MYO7B: variants seen among roughly 807,000 people sequenced by gnomAD.
MYO7B encodes the protein unconventional myosin-VIIb.
MYO7B carries 212 observed loss-of-function variants against 259.7 expected under a neutral mutation model. That is an observed-to-expected ratio of 0.82 (90% confidence interval 0.73 to 0.91). The LOEUF (loss-of-function observed/expected upper bound fraction) is 0.91. Among genes scored for constraint, MYO7B ranks in the 40% least tolerant of loss-of-function variants. The pLI is 0.00. For synonymous variants in MYO7B, 1,197 were observed against 1,166.4 expected, an observed-to-expected ratio of 1.03 and a Z score of -0.54; for missense variants, 2,732 against 2,813.5, an observed-to-expected ratio of 0.97 and a Z score of 0.66.
At chr2:127,556,921 G>A (rs1677852078) in intron 1 of MYO7B, among the ~76,000 whole-genome samples, 1 of 152,102 alleles carries the variant, frequency 6.6e-6, no homozygotes, top group Admixed American at 6.6e-5. Flanking sequence ...GTATTTGGAT[G>A]TCTAGATCTC....
Position 127,623,391 on chromosome 2 carries a change from C to T in MYO7B, c.3819+16C>T. 6.4e-7 allele frequency: 1 copy of T among 1,552,016 alleles called. No homozygotes were observed. The highest frequency in any genetic ancestry group is 8.7e-7 in the Non-Finnish European group (1 of 1,150,554). On this transcript the variant is annotated intron_variant, in intron 29 of 47. Coordinates refer to ENST00000409816, the MANE Select transcript of MYO7B (RefSeq NM_001393586.1). Reference sequence around the variant, plus strand: ...GTACGACAAGGTACCAGCCAGGCACCCTGCCCGTCAGCCGCCTCCCTCATA... The same window carrying T: ...GTACGACAAGGTACCAGCCAGGCACTCTGCCCGTCAGCCGCCTCCCTCATA...
At chr2:127,620,293 C>T in intron 26 of MYO7B, 47 bp from the exon 27 acceptor site, 3 of 1,567,222 alleles carry the variant, frequency 1.9e-6, no homozygotes, top group Non-Finnish European at 2.6e-6. Context: ...TGTCTCCTCT[C>T]CTCCTCCAGC....
In MYO7B at chr2:127,634,156, C is replaced by A; in HGVS notation, c.5512-20C>A. The A allele has an allele frequency of 1.9e-6, 3 of 1,579,648 alleles. No individual in the cohort carries two copies. The highest frequency in any genetic ancestry group is 2.6e-6 in the Non-Finnish European group (3 of 1,162,436). On this transcript the variant is annotated intron_variant, in intron 40 of 47. Transcript: ENST00000409816. ...GCCCCTAGCCAGGCCCCGGGCCTCA[C>A]CAGCTGCCTCTCTGTCCAGATGCTG...
intron 38 of MYO7B, among the ~76,000 whole-genome samples, chr2:127,632,044 C>T (rs1681541850): frequency 6.6e-6 from 1 of 152,238 alleles, no homozygotes; most frequent in African/African-American, 2.4e-5. Flanking sequence ...GTGCAATGCC[C>T]ACCCGCCCCC....
At chr2:127,536,945 C>T (rs1037552143) in intron 1 of MYO7B, among the ~76,000 whole-genome samples, 1 of 152,188 alleles carries the variant, frequency 6.6e-6, no homozygotes, top group African/African-American at 2.4e-5. Context: ...TAGCACGGGG[C>T]TCTGTGGAGA....
chr2:127,542,335 A>G (rs891028158), intron 1 of MYO7B, among the ~76,000 whole-genome samples: 5 of 152,148 alleles, frequency 3.3e-5, no homozygotes, highest in Admixed American at 3.3e-4. Context: ...TCTGGTGTGC[A>G]CTGACAACCC....
intron 1 of MYO7B, among the ~76,000 whole-genome samples, chr2:127,548,494 C>A (rs1387286924): frequency 1.3e-5 from 2 of 151,180 alleles, no homozygotes; most frequent in Admixed American, 6.6e-5. Context: ...CAACTCACTG[C>A]CACCTCTGCC....
At chr2:127,603,464 G>C (rs1208015805) in intron 19 of MYO7B, among the ~76,000 whole-genome samples, 1 of 152,174 alleles carries the variant, frequency 6.6e-6, no homozygotes, top group Admixed American at 6.5e-5. Context: ...AGAGTTCTTG[G>C]GTGGCCGGGT....
rs1680274732 is a variant in MYO7B, at chr2:127,609,092, C to T, written c.2814+214C>T. ...GGCAGGCTTCCCACCTGCAAGACTT[C>T]CTGGAGCCTTCTCTACCAATGCTGC... On this transcript the variant is annotated intron_variant, in intron 22 of 47. Coordinates refer to ENST00000409816, the MANE Select transcript of MYO7B (RefSeq NM_001393586.1). This position sits in a 1 kb window ranked among gnomAD's most constrained non-coding sequence, Gnocchi z 6.9. Among the ~76,000 whole-genome samples the T allele has an allele frequency of 6.6e-6, 1 of 152,228 alleles. No individual in the cohort carries two copies. Among genetic ancestry groups the T allele is most frequent in the Non-Finnish European group, 1.5e-5 (1 of 68,040 alleles).
chr2:127,622,077 G>A lies in MYO7B; in HGVS notation c.3621G>A (p.Glu1207=). ...RRTYANGVRA[E]PPTWLELQAV... ...CCTATGCCAATGGGGTGCGTGCGGA[G>A]CCCCCCACCTGGCTGGAGCTGCAGG... The change falls in exon 28 of 48, where the codon GAG becomes GAA. Residue 1207 remains glutamate (E), a synonymous_variant. Coordinates refer to ENST00000409816, the MANE Select transcript of MYO7B (RefSeq NM_001393586.1). 6.5e-7 allele frequency: 1 copy of A among 1,550,258 alleles called. No individual in the cohort carries two copies. Among genetic ancestry groups the A allele is most frequent in the Non-Finnish European group, 8.7e-7 (1 of 1,145,926 alleles).
In MYO7B at chr2:127,608,755, C is replaced by T; in HGVS notation, c.2691C>T (p.Leu897=). The part of the protein sequence containing the change: ...PAEGQKSQGA[L]PAKKRRSIYD... ...AGGGGCAGAAAAGCCAAGGCGCTCT[C>T]CCTGCCAAGAAGCGCAGATCCATCT... The change falls in exon 22 of 48, where the codon CTC becomes CTT. Residue 897 remains leucine, a synonymous_variant. Transcript: ENST00000409816. 1 of 1,613,474 alleles carries T rather than the reference C, an allele frequency of 6.2e-7. No individual in the cohort carries two copies. Among genetic ancestry groups the T allele is most frequent in the South Asian group, 1.1e-5 (1 of 91,076 alleles).
rs755615799 is a variant in MYO7B, at chr2:127,636,647, G to T, written c.6207+19G>T. 2 of 1,609,694 alleles carry T rather than the reference G, an allele frequency of 1.2e-6. No individual in the cohort carries two copies. The highest frequency in any genetic ancestry group is 1.7e-5 in the Admixed American group (1 of 59,282). ...GACCAAGGTAGCTGCTGGGCCTCCG[G>T]AGGGGCTGGGGGCCACCAGGTCCAG... is the stretch of plus-strand genomic sequence containing the variant. On this transcript the variant is annotated intron_variant, in intron 46 of 47. Transcript: ENST00000409816. The surrounding 1 kb of genome is among the most constrained non-coding windows in gnomAD (Gnocchi z 4.5).
In MYO7B at chr2:127,634,226, T is replaced by A. The variant is rs761715724; in HGVS notation, c.5562T>A (p.Ile1854=). 3 of 1,599,514 alleles carry A rather than the reference T, an allele frequency of 1.9e-6. No homozygotes were observed. The South Asian group carries it at 3.4e-5, about 18-fold the overall frequency. Residue 1854 remains isoleucine, a synonymous_variant, in exon 41 of 48, where the codon ATT becomes ATA. Coordinates refer to ENST00000409816, the MANE Select transcript of MYO7B (RefSeq NM_001393586.1). ...GGGTGCGGGATGTGTGTGACAGCAT[T>A]GCCACCAGGCTGCAGCTGGCCTCCT... ...NTRVRDVCDS[I]ATRLQLASWE...
At position 127,634,666 on chromosome 2, in the gene MYO7B, A is replaced by G; in HGVS notation, c.5696A>G (p.Asn1899Ser). The change falls in exon 42 of 48, where the codon AAC becomes AGC. Residue 1899 changes from asparagine to serine, a missense_variant. Asn to Ser is a conservative substitution (Grantham distance 46). Around this residue, in one of 3 missense-constraint regions of MYO7B, gnomAD observed 821 missense variants for 769.3 expected, o/e 1.07. Coordinates refer to ENST00000409816, the MANE Select transcript of MYO7B (RefSeq NM_001393586.1). ...GAGGTGTCTGACTGGGTGAAGAAGA[A>G]CAAGCCCCAGAAAGAAGGTGAGGAG... ...LREVSDWVKKNKPQKEGAPVT... is the reference protein window; with the variant it reads ...LREVSDWVKKSKPQKEGAPVT... 1 of 1,612,512 alleles carries G rather than the reference A, an allele frequency of 6.2e-7. No individual in the cohort carries two copies. Among genetic ancestry groups the G allele is most frequent in the Non-Finnish European group, 8.5e-7 (1 of 1,179,300 alleles).
intron 21 of MYO7B, among the ~76,000 whole-genome samples, chr2:127,608,413 G>A (rs1025300183): frequency 6.6e-6 from 1 of 152,176 alleles, no homozygotes; most frequent in Non-Finnish European, 1.5e-5. Context: ...GTTCCTGGGG[G>A]TCCCTGGAGT....
chr2:127,637,140 G>A (rs1478427662), intron 47 of MYO7B, 176 bp from the exon 48 acceptor site: 3 of 928,486 alleles, frequency 3.2e-6, no homozygotes, highest in Non-Finnish European at 5.1e-6. Context: ...AAGGAGGGAG[G>A]GAGACCCAGC....
At chr2:127,623,087 C>T (rs937279251) in intron 28 of MYO7B, 115 bp from the exon 29 acceptor site, 89 of 1,279,880 alleles carry the variant, frequency 7.0e-5, no homozygotes, top group Admixed American at 5.0e-4. Context: ...TGGGAACCCA[C>T]GGGATGGCAA....
Position 127,631,701 on chromosome 2 carries a change from C to A in MYO7B, c.5197C>A (p.Gln1733Lys). Residue 1733 changes from glutamine (Q) to lysine (K), a missense_variant, in exon 38 of 48, where the codon CAG (glutamine) becomes AAG (lysine). Gln to Lys is a moderately conservative substitution (Grantham distance 53). Transcript: ENST00000409816. ...ACTGGCCCTGCAGCACCCGGCCCTC[C>A]AGGACGAGGTCTACTGCCAGATCCT... ...FTLALQHPAL[Q>K]DEVYCQILKQ... 6.2e-7 allele frequency: 1 copy of A among 1,613,014 alleles called. No homozygotes were observed. The highest frequency in any genetic ancestry group is 8.5e-7 in the Non-Finnish European group (1 of 1,179,862).
chr2:127,570,366 C>T (rs1327011950), intron 6 of MYO7B, among the ~76,000 whole-genome samples: 1 of 152,158 alleles, frequency 6.6e-6, no homozygotes, highest in Non-Finnish European at 1.5e-5. Context: ...CGCTTATGAA[C>T]GGGAAAAAGA....
Sources: allele counts gnomAD v4.1 joint callset (sites outside exome capture counted in the v4.1 genomes callset), GRCh38; gene constraint gnomAD v4.1.1; regional missense constraint gnomAD v4.1.1; non-coding constraint Gnocchi (gnomAD v3.1); transcripts MANE v1.5; gene names NCBI Gene and HGNC (gene_info 2026-07-23, HGNC 2026-07-21).